Variants in DUSP8 observed in about 807,000 individuals in gnomAD.
DUSP8 encodes dual specificity phosphatase 8.
DUSP8 carries 15 observed loss-of-function variants against 38.7 expected under a neutral mutation model. The observed-to-expected ratio is 0.39, with a 90% CI of 0.26 to 0.60. The LOEUF is 0.60. DUSP8 is among the 20% of genes least tolerant of loss of function. The pLI is 0.56. For synonymous variants in DUSP8, 458 were observed against 433.9 expected (o/e 1.06, Z -0.69); for missense variants, 768 against 915.0 (o/e 0.84, Z 2.07).
chr11:1,559,064 G>C lies in DUSP8; in HGVS notation c.371-9C>G, dbSNP rs1418806184. ...GAAGGTGGCGAAGCCCCCTGTAGGA[G>C]GAGGGCCGTCAAGTGGGTTGAGAGA... On this transcript the variant is annotated splice_polypyrimidine_tract_variant and intron_variant, in intron 3 of 6. Coordinates refer to ENST00000397374, the MANE Select transcript of DUSP8 (RefSeq NM_004420.3). The C allele has an allele frequency of 8.7e-6, 14 of 1,608,074 alleles. No individual in the cohort carries two copies. The highest frequency in any genetic ancestry group is 1.2e-5 in the Non-Finnish European group (14 of 1,178,950).
At chr11:1,561,956 C>A (rs970170903) in intron 3 of DUSP8, among the ~76,000 whole-genome samples, 2 of 152,230 alleles carry the variant, frequency 1.3e-5, no homozygotes, top group Non-Finnish European at 2.9e-5. Flanking sequence ...CCACTGTATA[C>A]CACGGGGCCT....
chr11:1,571,392 C>T (rs1848890865), intron 1 of DUSP8: 2 of 152,136 alleles, frequency 1.3e-5, no homozygotes, highest in South Asian at 2.1e-4. Flanking sequence ...CTGCAGCCCT[C>T]CCCCCCGACA....
chr11:1,568,526 C>T (rs760228869), intron 1 of DUSP8, among the ~76,000 whole-genome samples: 1 of 152,182 alleles, frequency 6.6e-6, no homozygotes, highest in Non-Finnish European at 1.5e-5. Flanking sequence ...CCATCGTCAC[C>T]ATGGCAACAG....
chr11:1,564,555 C>T (rs1848772584), intron 2 of DUSP8, among the ~76,000 whole-genome samples: 2 of 152,094 alleles, frequency 1.3e-5, no homozygotes, highest in South Asian at 4.1e-4. Flanking sequence ...AAGCTGGGTT[C>T]CTCCTGCCCT....
chr11:1,565,873 G>T lies in DUSP8; in HGVS notation c.-47C>A. The T allele has an allele frequency of 6.5e-7, 1 of 1,534,884 alleles. No homozygotes were observed. The highest frequency in any genetic ancestry group is 2.3e-4 in the Middle Eastern group (1 of 4,304). Reference sequence around the variant, plus strand: ...GAGGGTGACCCCTGAAGTGAGGAGGGGCTGCTCCGACGGCCCAGGTGTGGC... The same window carrying T: ...GAGGGTGACCCCTGAAGTGAGGAGGTGCTGCTCCGACGGCCCAGGTGTGGC... On this transcript the variant is annotated 5_prime_UTR_variant, in exon 2 of 7. Transcript: ENST00000397374.
chr11:1,555,206 A>C lies in DUSP8; in HGVS notation c.*1312T>G. 1 of 987,866 alleles carries C rather than the reference A, an allele frequency of 1.0e-6. No individual in the cohort carries two copies. The highest frequency in any genetic ancestry group is 1.2e-6 in the Non-Finnish European group (1 of 830,218). The allele number at this position is 987,866 out of a possible 1,614,324, so 61.2% of individuals were successfully genotyped here. ...CAGCAGGCTGACCCACCTGGGCCCA[A>C]AAGCCACTTGTGTTTGGGGGCTGGC... On this transcript the variant is annotated 3_prime_UTR_variant, in exon 7 of 7. Coordinates refer to ENST00000397374, the MANE Select transcript of DUSP8 (RefSeq NM_004420.3).
At chr11:1,565,170 G>T (rs991376314) in intron 2 of DUSP8, among the ~76,000 whole-genome samples, 1 of 152,224 alleles carries the variant, frequency 6.6e-6, no homozygotes, top group Admixed American at 6.5e-5. Context: ...CCTCACAGCA[G>T]TGGAAGTGGA....
Position 1,558,421 on chromosome 11 carries a change from G to A in DUSP8, c.538-150C>T, listed in dbSNP as rs1848669537. On this transcript the variant is annotated intron_variant, in intron 4 of 6. Transcript: ENST00000397374. This position sits in a 1 kb window ranked among gnomAD's most constrained non-coding sequence, Gnocchi z 6.3. ...CCAGATCCCAGTGTATCCAGGGGAG[G>A]GCCCAGGAGGCCTCTCTGGTCCACC... The A allele has an allele frequency of 4.0e-6, 3 of 743,882 alleles. No homozygotes were observed. Among genetic ancestry groups the A allele is most frequent in the Non-Finnish European group, 6.5e-6 (3 of 464,168 alleles). 46.1% of individuals were successfully genotyped at this position (743,882 alleles called of 1,614,324 possible). A position where few individuals can be genotyped will look rare whatever the true frequency, so the allele number is the denominator to read the frequency against.
rs1317587480 is a variant in DUSP8 at position 1,557,930 on chromosome 11, G to A, written c.698-13C>T. On this transcript the variant is annotated splice_polypyrimidine_tract_variant and intron_variant, in intron 5 of 6. Coordinates refer to ENST00000397374, the MANE Select transcript of DUSP8 (RefSeq NM_004420.3). The surrounding 1 kb of genome is among the most constrained non-coding windows in gnomAD (Gnocchi z 9.9). ...AGCTTGGCTTTATCTGGGCAGGTGGGCCATGGGGGCCAGGTGAGGGCTAAG... is the reference window on the plus strand; with the variant it reads ...AGCTTGGCTTTATCTGGGCAGGTGGACCATGGGGGCCAGGTGAGGGCTAAG... 1 of 1,613,738 alleles carries A rather than the reference G, an allele frequency of 6.2e-7. No individual in the cohort carries two copies. Among genetic ancestry groups the A allele is most frequent in the African/African-American group, 1.3e-5 (1 of 75,044 alleles).
rs1160954793 is a variant in DUSP8 at position 1,556,674 on chromosome 11, G to A, written c.1722C>T (p.Pro574=). The change falls in exon 7 of 7, where the codon CCC becomes CCT. Residue 574 remains proline (P), a synonymous_variant. Coordinates refer to ENST00000397374, the MANE Select transcript of DUSP8 (RefSeq NM_004420.3). The surrounding 1 kb of genome is among the most constrained non-coding windows in gnomAD (Gnocchi z 5.2). ...ACTGCGTCTCCGGGGCCGGCTCCTC[G>A]GGCCAGCCGGTCCGCGCGTCCCGGG... ...AEPRDARTGW[P]EEPAPETQFK... is the part of the protein sequence containing the mutation. 9.7e-6 allele frequency: 13 copies of A among 1,342,694 alleles called. No homozygotes were observed. The highest frequency in any genetic ancestry group is 3.0e-5 in the African/African-American group (2 of 66,360). 83.2% of individuals were successfully genotyped at this position (1,342,694 alleles called of 1,614,324 possible). A position where few individuals can be genotyped will look rare whatever the true frequency, so the allele number is the denominator to read the frequency against.
Position 1,557,456 on chromosome 11 carries a change from AG to A in DUSP8, c.939del (p.Ser314GlnfsTer39). On this transcript the variant is annotated frameshift_variant, in exon 7 of 7. Coordinates refer to ENST00000397374, the MANE Select transcript of DUSP8 (RefSeq NM_004420.3). LOFTEE classifies it high-confidence loss of function. This position sits in a 1 kb window ranked among gnomAD's most constrained non-coding sequence, Gnocchi z 9.9. ...CTGGGCGGAGGCTCCGGCGTCCCTG[AG>A]GGGGTGCCCGGGTCGCCCTGCAGGG... ...LAALQGDPGT[P>X]SGTPEPPPSP... 1.3e-6 allele frequency: 2 copies of A among 1,563,676 alleles called. No homozygotes were observed. Among genetic ancestry groups the A allele is most frequent in the Non-Finnish European group, 8.6e-7 (1 of 1,166,284 alleles).
chr11:1,570,254 T>C (rs915211362), intron 1 of DUSP8, among the ~76,000 whole-genome samples: 1 of 152,194 alleles, frequency 6.6e-6, no homozygotes, highest in Admixed American at 6.5e-5. Context: ...TCCTGGTCAC[T>C]GTGCCACATG....
In DUSP8 at chr11:1,555,889, GC is replaced by G. The variant is rs1288333683; in HGVS notation, c.*628del. 6.6e-6 allele frequency: 1 copy of G among 152,262 alleles called. No homozygotes were observed. The highest frequency in any genetic ancestry group is 1.5e-5 in the Non-Finnish European group (1 of 68,076). The allele number at this position is 152,262 out of a possible 1,614,324, so 9.4% of individuals were successfully genotyped here. Reference sequence around the variant, plus strand: ...ACACCCTGGCACCATGAAGCCCAATGCCTGTCCTCCCCTGCCAGAGAACAGC... The same window carrying G: ...ACACCCTGGCACCATGAAGCCCAATGCTGTCCTCCCCTGCCAGAGAACAGC... On this transcript the variant is annotated 3_prime_UTR_variant, in exon 7 of 7. Coordinates refer to ENST00000397374, the MANE Select transcript of DUSP8 (RefSeq NM_004420.3).
intron 3 of DUSP8, 72 bp from the exon 4 acceptor site, chr11:1,559,127 C>A: frequency 6.9e-7 from 1 of 1,451,498 alleles, no homozygotes; most frequent in Admixed American, 2.2e-5. Context: ...GTGCCCTGTC[C>A]GCCTAGGGCA....
At chr11:1,569,571 C>T (rs767388657) in intron 1 of DUSP8, among the ~76,000 whole-genome samples, 4 of 152,106 alleles carry the variant, frequency 2.6e-5, no homozygotes, top group Non-Finnish European at 5.9e-5. Context: ...ACTCCAGTAC[C>T]CGAGGGGTCA....
In DUSP8 at chr11:1,556,576, GC is replaced by G; in HGVS notation, c.1819del (p.Ala607ProfsTer57). 1 of 1,431,496 alleles carries G rather than the reference GC, an allele frequency of 7.0e-7. No individual in the cohort carries two copies. 88.7% of individuals were successfully genotyped at this position (1,431,496 alleles called of 1,614,324 possible). ...VEGRARGEEL[A>X]ALGKQASFSG... The stretch of plus-strand genomic sequence containing the variant: ...GAAGCTCGCCTGCTTGCCCAGGGCG[GC>G]CAGCTCCTCGCCGCGCGCGCGCCCC... On this transcript the variant is annotated frameshift_variant, in exon 7 of 7. Transcript: ENST00000397374. LOFTEE classifies it high-confidence loss of function. The surrounding 1 kb of genome is among the most constrained non-coding windows in gnomAD (Gnocchi z 5.2).
rs145547062 is a variant in DUSP8 at position 1,563,966 on chromosome 11, G to C, written c.255C>G (p.Asp85Glu). 4 of 1,509,512 alleles carry C rather than the reference G, an allele frequency of 2.6e-6. No homozygotes were observed. Among genetic ancestry groups the C allele is most frequent in the Non-Finnish European group, 3.6e-6 (4 of 1,122,450 alleles). The allele number at this position is 1,509,512 out of a possible 1,614,324, so 93.5% of individuals were successfully genotyped here. ...GCGTGCTCTGGTCATAGACCACCAC[G>C]TCCTGTGGCTCCGTAGCCTCCACCT... ...RSQVEATEPQ[D>E]VVVYDQSTRD... is the part of the protein sequence containing the mutation. The change falls in exon 3 of 7, where the codon GAC (aspartate) becomes GAG (glutamate). Residue 85 changes from aspartate (D) to glutamate (E), a missense_variant. Around this residue, in one of 3 missense-constraint regions of DUSP8, gnomAD observed 252 missense variants for 410.4 expected, o/e 0.61. Transcript: ENST00000397374.
In DUSP8 at chr11:1,565,909, G is replaced by C; in HGVS notation, c.-83C>G. On this transcript the variant is annotated 5_prime_UTR_variant, in exon 2 of 7. Transcript: ENST00000397374. Reference sequence around the variant, plus strand: ...CGGCCCAGGTGTGGCCTCGCGCTGGGAGTGACCTAGCACATGGTGCTGGAC... The same window carrying C: ...CGGCCCAGGTGTGGCCTCGCGCTGGCAGTGACCTAGCACATGGTGCTGGAC... 2 of 1,175,510 alleles carry C rather than the reference G, an allele frequency of 1.7e-6. No homozygotes were observed. The allele number at this position is 1,175,510 out of a possible 1,614,324, so 72.8% of individuals were successfully genotyped here. A position where few individuals can be genotyped will look rare whatever the true frequency, so the allele number is the denominator to read the frequency against.
chr11:1,559,073 T>G lies in DUSP8; in HGVS notation c.371-18A>C. 6.2e-7 allele frequency: 1 copy of G among 1,605,478 alleles called. No individual in the cohort carries two copies. The highest frequency in any genetic ancestry group is 8.5e-7 in the Non-Finnish European group (1 of 1,178,320). On this transcript the variant is annotated intron_variant, in intron 3 of 6. Transcript: ENST00000397374. ...GAAGCCCCCTGTAGGAGGAGGGCCG[T>G]CAAGTGGGTTGAGAGAACACCTAGG...
Sources: allele counts gnomAD v4.1 joint callset (sites outside exome capture counted in the v4.1 genomes callset), GRCh38; gene constraint gnomAD v4.1.1; regional missense constraint gnomAD v4.1.1; non-coding constraint Gnocchi (gnomAD v3.1); transcripts MANE v1.5; gene names NCBI Gene and HGNC (gene_info 2026-07-23, HGNC 2026-07-21).